Variants in ADAM8 observed in about 807,000 individuals in gnomAD.
ADAM8 encodes disintegrin and metalloproteinase domain-containing protein 8.
ADAM8 carries 104 observed loss-of-function variants against 102.4 expected under a neutral mutation model. The observed-to-expected ratio is 1.02, with a 90% confidence interval of 0.87 to 1.20. ADAM8 has a LOEUF of 1.20. Ranked by LOEUF, ADAM8 falls within the 50% of genes most tolerant of loss-of-function variation. The pLI is 0.00. For synonymous variants in ADAM8, 517 were observed against 485.2 expected (o/e 1.07, Z -0.86); for missense variants, 1,132 against 1,159.0 (o/e 0.98, Z 0.34).
rs1348434636 is a variant in ADAM8, at chr10:133,270,410, C to T, written c.1735G>A (p.Gly579Ser). Residue 579 changes from glycine to serine, a missense_variant, in exon 16 of 23, where the codon GGC becomes AGC. By Grantham distance (56) the Gly-to-Ser change is moderately conservative. Coordinates refer to ENST00000445355, the MANE Select transcript of ADAM8 (RefSeq NM_001109.5). ...DVCHALTTED[G>S]TAYEPVPEGT... ...TCGGGCACTGGTTCATACGCAGTGC[C>T]ATCCTCTGTGGTGAGCGCGTGGCAC... is the stretch of plus-strand genomic sequence containing the variant. The T allele has an allele frequency of 6.2e-7, 1 of 1,601,616 alleles. No homozygotes were observed. Among genetic ancestry groups the T allele is most frequent in the African/African-American group, 1.3e-5 (1 of 74,890 alleles).
intron 10 of ADAM8, 40 bp from the exon 11 acceptor site, chr10:133,271,994 C>T: frequency 6.3e-7 from 1 of 1,594,308 alleles, no homozygotes; most frequent in Non-Finnish European, 8.6e-7. Flanking sequence ...ATGTGGCCAA[C>T]TCCCCACGCC....
chr10:133,271,137 C>G (rs1846509435), intron 13 of ADAM8, 63 bp downstream of exon 13: 7 of 1,593,744 alleles, frequency 4.4e-6, no homozygotes, highest in Non-Finnish European at 6.0e-6. Context: ...CCTGGTGCCC[C>G]AGGGTCCCTT....
At chr10:133,274,989 C>T in intron 2 of ADAM8, 1 of 346,082 alleles carries the variant, frequency 2.9e-6, no homozygotes, top group South Asian at 2.1e-5. Flanking sequence ...GAACTGCCCT[C>T]CCTGGAAACA....
intron 21 of ADAM8, among the ~76,000 whole-genome samples, chr10:133,266,646 G>A (rs573190766): frequency 2.6e-5 from 4 of 152,304 alleles, no homozygotes; most frequent in African/African-American, 9.6e-5. Flanking sequence ...AGTGGACCTC[G>A]ATGGTACCAC....
In ADAM8 at chr10:133,272,249, C is replaced by G; in HGVS notation, c.901G>C (p.Val301Leu). 6.5e-7 allele frequency: 1 copy of G among 1,543,714 alleles called. No individual in the cohort carries two copies. ...ITGVDFTGTT[V>L]GFARVSAMCS... ...ATGGCGGACACCCTGGCAAACCCCA[C>G]GGTAGTCCCGGTGAAGTCGACACCC... The change falls in exon 10 of 23, where the codon GTG becomes CTG. Residue 301 changes from valine to leucine, a missense_variant. Physicochemically the swap from Val to Leu is conservative, Grantham distance 32. Coordinates refer to ENST00000445355, the MANE Select transcript of ADAM8 (RefSeq NM_001109.5).
intron 19 of ADAM8, among the ~76,000 whole-genome samples, chr10:133,268,424 A>G (rs1490877865): frequency 6.6e-6 from 1 of 152,186 alleles, no homozygotes; most frequent in Non-Finnish European, 1.5e-5. Flanking sequence ...GCTCAGCAGG[A>G]AACTGGCAGG....
chr10:133,276,188 G>A (rs778327045), intron 1 of ADAM8, among the ~76,000 whole-genome samples: 4 of 152,194 alleles, frequency 2.6e-5, no homozygotes, highest in Non-Finnish European at 5.9e-5. Context: ...CCAACCTGGA[G>A]AGGCAGCAGG....
rs369766204 is a variant in ADAM8 at position 133,272,756 on chromosome 10, G to A, written c.705+42C>T. On this transcript the variant is annotated intron_variant, in intron 8 of 22. Coordinates refer to ENST00000445355, the MANE Select transcript of ADAM8 (RefSeq NM_001109.5). ...TGTGGCAACACCCCCCCCACCTCCC[G>A]CCAGGGGCTCTGGCACCTCTGCAGC... is the stretch of plus-strand genomic sequence containing the variant. The A allele has an allele frequency of 6.0e-5, 92 of 1,526,424 alleles. No homozygotes were observed. The Middle Eastern group carries it at 7.0e-4, about 12-fold the overall frequency. The allele number at this position is 1,526,424 out of a possible 1,614,324, so 94.6% of individuals were successfully genotyped here.
chr10:133,265,590 G>A (rs1037173225), intron 21 of ADAM8, among the ~76,000 whole-genome samples: 16 of 151,974 alleles, frequency 1.1e-4, no homozygotes, highest in Non-Finnish European at 4.4e-5. Context: ...AAGAGATCAA[G>A]ACCATCTTGG....
intron 10 of ADAM8, 58 bp from the exon 11 acceptor site, chr10:133,272,012 C>T (rs1846547303): frequency 1.3e-6 from 2 of 1,589,670 alleles, no homozygotes; most frequent in East Asian, 4.5e-5. Context: ...GCCTGCCACC[C>T]TCACCCCACC....
chr10:133,276,728 C>T, intron 1 of ADAM8, 44 bp downstream of exon 1: 1 of 1,526,236 alleles, frequency 6.6e-7, no homozygotes, highest in Non-Finnish European at 8.8e-7. Flanking sequence ...GGAGAGCCAC[C>T]CTGCCCCGCG....
At position 133,273,261 on chromosome 10, in the gene ADAM8, C is replaced by T. The variant is rs753943384; in HGVS notation, c.566G>A (p.Arg189Gln). 24 of 1,602,402 alleles carry T rather than the reference C, an allele frequency of 1.5e-5. No homozygotes were observed. The highest frequency in any genetic ancestry group is 2.0e-5 in the Non-Finnish European group (24 of 1,175,932). Residue 189 changes from arginine to glutamine, a missense_variant, in exon 6 of 23, where the codon CGG (arginine) becomes CAG (glutamine). Arg to Gln is a conservative substitution (Grantham distance 43). Coordinates refer to ENST00000445355, the MANE Select transcript of ADAM8 (RefSeq NM_001109.5). ...GPRTAAVFRP[R>Q]PGDSLPSRET... ...GGAGACAAGGGTGCTCACCCCGGGC[C>T]GAGGCCTGAAGACGGCTGCCGTCCG...
rs201827043 is a variant in ADAM8 at position 133,268,862 on chromosome 10, G to T, written c.1949C>A (p.Ala650Glu). The T allele has an allele frequency of 1.2e-6, 2 of 1,604,988 alleles. No individual in the cohort carries two copies. Among genetic ancestry groups the T allele is most frequent in the Non-Finnish European group, 8.5e-7 (1 of 1,179,586 alleles). ...CACGAAGACGGGGAGGCTCCCGGAC[G>T]CTGTGGGACACACGGCCCCACATCA... ...CAKLLTEVHA[A>E]SGSLPVFVVV... Residue 650 changes from alanine (A) to glutamate (E), a missense_variant and splice_region_variant, in exon 19 of 23, where the codon GCG (alanine) becomes GAG (glutamate). Ala to Glu is a moderately radical substitution (Grantham distance 107, BLOSUM62 -1). Coordinates refer to ENST00000445355, the MANE Select transcript of ADAM8 (RefSeq NM_001109.5).
chr10:133,265,296 C>T (rs2995304), intron 21 of ADAM8, among the ~76,000 whole-genome samples: 70 of 2,440 alleles, frequency 0.029, 13 homozygotes, highest in East Asian at 0.067. Flanking sequence ...CCCCATCTAC[C>T]ACCACGCCCG....
chr10:133,268,052 C>T lies in ADAM8; in HGVS notation c.2130G>A (p.Val710=). 1 of 1,266,570 alleles carries T rather than the reference C, an allele frequency of 7.9e-7. No homozygotes were observed. The highest frequency in any genetic ancestry group is 1.0e-6 in the Non-Finnish European group (1 of 998,872). 78.5% of individuals were successfully genotyped at this position (1,266,570 alleles called of 1,614,324 possible). The change falls in exon 20 of 23, where the codon GTG becomes GTA. Residue 710 remains valine, a synonymous_variant. Transcript: ENST00000445355. ...NPLFHQAASR[V]PAKGGAPAPS... ...GGGCTGGAGCCCCGCCCTTGGCCGG[C>T]ACGCGGCTGGCAGCCTGGTGGAACA...
chr10:133,269,582 G>A lies in ADAM8; in HGVS notation c.1864-53C>T, dbSNP rs528405096. Reference sequence around the variant, plus strand: ...ACCCTGTTGTGGACCCCAAGGGGCCGTGGGGGCCGTGCCTCCAGCATGAGG... The same window carrying A: ...ACCCTGTTGTGGACCCCAAGGGGCCATGGGGGCCGTGCCTCCAGCATGAGG... On this transcript the variant is annotated intron_variant, in intron 17 of 22. Transcript: ENST00000445355. 190 of 1,479,316 alleles carry A rather than the reference G, an allele frequency of 1.3e-4. No individual in the cohort carries two copies. In the African/African-American group the frequency reaches 2.3e-3, roughly 18 times the overall value. 91.6% of individuals were successfully genotyped at this position (1,479,316 alleles called of 1,614,324 possible). A position where few individuals can be genotyped will look rare whatever the true frequency, so the allele number is the denominator to read the frequency against.
rs1462341506 is a variant in ADAM8 at position 133,276,835 on chromosome 10, G to A, written c.-18C>T. Reference sequence around the variant, plus strand: ...CCGCGCATGGCCGGGTCGGGGAGCAGAGGCGGAGGTGACAGCCCCGCGGGA... The same window carrying A: ...CCGCGCATGGCCGGGTCGGGGAGCAAAGGCGGAGGTGACAGCCCCGCGGGA... On this transcript the variant is annotated 5_prime_UTR_variant, in exon 1 of 23. Transcript: ENST00000445355. The A allele has an allele frequency of 6.6e-7, 1 of 1,520,154 alleles. No individual in the cohort carries two copies. Among genetic ancestry groups the A allele is most frequent in the Non-Finnish European group, 8.8e-7 (1 of 1,137,790 alleles). The allele number at this position is 1,520,154 out of a possible 1,614,324, so 94.2% of individuals were successfully genotyped here.
Position 133,272,240 on chromosome 10 carries a change from C to G in ADAM8, c.910G>C (p.Ala304Pro), listed in dbSNP as rs1262621097. The change falls in exon 10 of 23, where the codon GCC (alanine) becomes CCC (proline). Residue 304 changes from alanine to proline, a missense_variant. Physicochemically the swap from Ala to Pro is conservative, Grantham distance 27 (BLOSUM62 -1). Coordinates refer to ENST00000445355, the MANE Select transcript of ADAM8 (RefSeq NM_001109.5). Reference sequence around the variant, plus strand: ...TGGGAGCACATGGCGGACACCCTGGCAAACCCCACGGTAGTCCCGGTGAAG... The same window carrying G: ...TGGGAGCACATGGCGGACACCCTGGGAAACCCCACGGTAGTCCCGGTGAAG... The part of the protein sequence containing the change: ...VDFTGTTVGF[A>P]RVSAMCSHSS... 1.9e-6 allele frequency: 3 copies of G among 1,547,904 alleles called. No homozygotes were observed. The highest frequency in any genetic ancestry group is 2.6e-6 in the Non-Finnish European group (3 of 1,145,470).
intron 17 of ADAM8, among the ~76,000 whole-genome samples, 170 bp from the exon 18 acceptor site, chr10:133,269,699 C>T (rs531088196): frequency 1.3e-5 from 2 of 152,206 alleles, no homozygotes; most frequent in Admixed American, 1.3e-4. Context: ...GCCCGCTGCC[C>T]GGTGACCATG....
Sources: gnomAD v4.1 joint callset for allele counts (sites outside exome capture counted in the v4.1 genomes callset) on GRCh38, gnomAD v4.1.1 for gene constraint, MANE v1.5 for transcripts, NCBI Gene and HGNC (gene_info 2026-07-23, HGNC 2026-07-21) for gene names.